Variants in SLC25A12 observed in about 807,000 individuals in gnomAD.
SLC25A12 encodes the protein solute carrier family 25 member 12, also known as electrogenic aspartate/glutamate antiporter SLC25A12, mitochondrial.
Under a neutral mutation model 83.3 loss-of-function variants are expected in SLC25A12, and 32 were observed. The observed-to-expected ratio is 0.38, with a 90% CI of 0.29 to 0.52. The LOEUF is 0.52. Ranked by LOEUF, SLC25A12 falls within the 20% of genes least tolerant of loss-of-function variation. The pLI is 0.84. For synonymous variants in SLC25A12, 267 were observed against 291.1 expected (o/e 0.92, Z 0.84); for missense variants, 611 against 835.6 (o/e 0.73, Z 3.31).
chr2:171,809,427 A>C, intron 13 of SLC25A12, 179 bp downstream of exon 13: 2 of 624,276 alleles, frequency 3.2e-6, no homozygotes, highest in Non-Finnish European at 5.7e-6. Flanking sequence ...CCTCTTTTCT[A>C]CACTCAAAAC....
chr2:171,788,122 G>A, intron 15 of SLC25A12, 175 bp from the exon 16 acceptor site: 1 of 622,560 alleles, frequency 1.6e-6, no homozygotes, highest in Non-Finnish European at 2.8e-6. Flanking sequence ...AGCTGTTGCA[G>A]TGTGATCAGG....
intron 10 of SLC25A12, among the ~76,000 whole-genome samples, 172 bp downstream of exon 10, chr2:171,814,949 C>T (rs1271215433): frequency 6.6e-6 from 1 of 152,176 alleles, no homozygotes; most frequent in Non-Finnish European, 1.5e-5. Context: ...ATGGTCATAG[C>T]CATTGCTACG....
intron 13 of SLC25A12, among the ~76,000 whole-genome samples, chr2:171,800,322 T>TAC (rs1683684924): frequency 1.3e-5 from 1 of 75,280 alleles, no homozygotes; most frequent in Non-Finnish European, 3.2e-5. Context: ...GAACAGATAC[T>TAC]TCACACACAC....
chr2:171,883,789 G>A (rs1685749071), intron 2 of SLC25A12, among the ~76,000 whole-genome samples: 3 of 151,956 alleles, frequency 2.0e-5, no homozygotes, highest in Non-Finnish European at 4.4e-5. Context: ...AAAAATGATG[G>A]CCCTTCTCAT....
Position 171,784,898 on chromosome 2 carries a change from A to T in SLC25A12, c.*376T>A, listed in dbSNP as rs1319339950. 1 of 240,592 alleles carries T rather than the reference A, an allele frequency of 4.2e-6. No individual in the cohort carries two copies. Among genetic ancestry groups the T allele is most frequent in the African/African-American group, 2.2e-5 (1 of 45,222 alleles). The allele number at this position is 240,592 out of a possible 1,614,324, so 14.9% of individuals were successfully genotyped here. On this transcript the variant is annotated 3_prime_UTR_variant, in exon 18 of 18. Transcript: ENST00000422440. The stretch of plus-strand genomic sequence containing the variant: ...CTTTCAAAACATTCTGTACATTTCA[A>T]GCCACTCAGAACCGCATTACATTTC...
chr2:171,883,413 C>G (rs937200645), intron 2 of SLC25A12, among the ~76,000 whole-genome samples: 1 of 152,158 alleles, frequency 6.6e-6, no homozygotes, highest in Non-Finnish European at 1.5e-5. Context: ...CTACAAATCC[C>G]ATGTAGGCTC....
chr2:171,853,143 T>C (rs1392471673), intron 4 of SLC25A12, among the ~76,000 whole-genome samples: 1 of 151,964 alleles, frequency 6.6e-6, no homozygotes, highest in Non-Finnish European at 1.5e-5. Flanking sequence ...CCTTTGGGAG[T>C]TGAGACTACA....
At chr2:171,813,573 C>A (rs1683990334) in intron 10 of SLC25A12, 76 bp from the exon 11 acceptor site, 41 of 1,454,768 alleles carry the variant, frequency 2.8e-5, no homozygotes, top group Non-Finnish European at 3.8e-5. Context: ...CAAATCTTAT[C>A]TTAAAGGATG....
intron 13 of SLC25A12, among the ~76,000 whole-genome samples, chr2:171,805,975 G>A (rs1683816364): frequency 6.6e-6 from 1 of 151,840 alleles, no homozygotes; most frequent in Non-Finnish European, 1.5e-5. Context: ...AGAGGATGGT[G>A]GCATGCACCT....
At position 171,834,002 on chromosome 2, in the gene SLC25A12, T is replaced by C. The variant is rs772018786; in HGVS notation, c.806A>G (p.Asp269Gly). Residue 269 changes from aspartate (D) to glycine (G), a missense_variant, in exon 8 of 18, where the codon GAT (aspartate) becomes GGT (glycine). Asp to Gly is a moderately conservative substitution (Grantham distance 94). This residue lies in a region of SLC25A12 where 540 missense variants were observed against 777.5 expected (regional missense o/e 0.69). Transcript: ENST00000422440. The part of the protein sequence containing the change: ...RYGQVTPLEI[D>G]ILYQLADLYN... ...TAAGTCTGCAAGCTGATATAGAATA[T>C]CAATTTCTAGTGGTGTGACTTGTCC... The C allele has an allele frequency of 6.2e-7, 1 of 1,609,110 alleles. No homozygotes were observed. Among genetic ancestry groups the C allele is most frequent in the Non-Finnish European group, 8.5e-7 (1 of 1,175,588 alleles).
At chr2:171,789,391 G>A (rs949629981) in intron 15 of SLC25A12, among the ~76,000 whole-genome samples, 1 of 151,578 alleles carries the variant, frequency 6.6e-6, no homozygotes, top group Non-Finnish European at 1.5e-5. Flanking sequence ...ACCACGCCCG[G>A]CTAATTTTTT....
intron 8 of SLC25A12, among the ~76,000 whole-genome samples, chr2:171,827,145 C>T (rs922617440): frequency 3.9e-5 from 6 of 152,024 alleles, no homozygotes; most frequent in African/African-American, 1.5e-4. Context: ...ATAATTATTG[C>T]CAGAAGCAAA....
At chr2:171,888,738 C>A (rs577529628) in intron 2 of SLC25A12, among the ~76,000 whole-genome samples, 1 of 152,086 alleles carries the variant, frequency 6.6e-6, no homozygotes, top group African/African-American at 2.4e-5. Context: ...CCACCACACC[C>A]GGCCATTTTA....
intron 2 of SLC25A12, among the ~76,000 whole-genome samples, chr2:171,892,814 G>A (rs913426939): frequency 1.3e-5 from 2 of 152,068 alleles, no homozygotes; most frequent in Admixed American, 6.6e-5. Flanking sequence ...ATTACATGGA[G>A]GATAGCTCAT....
chr2:171,853,115 C>G (rs555557694), intron 4 of SLC25A12, among the ~76,000 whole-genome samples: 2 of 152,218 alleles, frequency 1.3e-5, no homozygotes, highest in African/African-American at 4.8e-5. Context: ...TTCAGCCTCC[C>G]GAGGAGCTGA....
chr2:171,886,461 T>A (rs890876095), intron 2 of SLC25A12, among the ~76,000 whole-genome samples: 1 of 150,406 alleles, frequency 6.6e-6, no homozygotes, highest in African/African-American at 2.4e-5. Context: ...TTTTTTTTTT[T>A]CTTTTTTGAG....
chr2:171,800,972 G>T (rs1222620390), intron 13 of SLC25A12, among the ~76,000 whole-genome samples: 2 of 152,190 alleles, frequency 1.3e-5, no homozygotes, highest in East Asian at 1.9e-4. Context: ...AAAGACGCAT[G>T]AACGACTTTT....
In SLC25A12 at chr2:171,843,795, CT is replaced by C. The variant is rs71013078; in HGVS notation, c.465+573del. 6.5e-3 allele frequency among the ~76,000 whole-genome samples: 768 copies of C among 117,276 alleles called. 4 individuals carry two copies. Among genetic ancestry groups the C allele is most frequent in the African/African-American group, 0.022 (684 of 31,078 alleles). 76.9% of individuals were successfully genotyped at this position (117,276 alleles called of 152,430 possible). On this transcript the variant is annotated intron_variant, in intron 5 of 17. Coordinates refer to ENST00000422440, the MANE Select transcript of SLC25A12 (RefSeq NM_003705.5). The stretch of plus-strand genomic sequence containing the variant: ...GAGAGGAGAGAGGTGAAAGAACTAG[CT>C]TTTTTTTTTTTTTTTTTGAGATGGA...
chr2:171,835,262 T>C (rs1308672384), intron 6 of SLC25A12, among the ~76,000 whole-genome samples: 1 of 152,242 alleles, frequency 6.6e-6, no homozygotes, highest in Non-Finnish European at 1.5e-5. Flanking sequence ...TTAACCTTGT[T>C]TTTTTCCTTC....
Sources: gnomAD v4.1 joint callset for allele counts (sites outside exome capture counted in the v4.1 genomes callset) on GRCh38, gnomAD v4.1.1 for gene constraint, gnomAD v4.1.1 regional missense constraint, MANE v1.5 for transcripts, NCBI Gene and HGNC (gene_info 2026-07-23, HGNC 2026-07-21) for gene names.